Variants in GABPB2 observed in about 807,000 individuals in gnomAD.
GABPB2 encodes the protein GA-binding protein subunit beta-2.
In GABPB2, 23 loss-of-function variants were observed where a neutral mutation model predicts 39.1. The observed-to-expected ratio is 0.59, with a 90% CI of 0.42 to 0.83. The LOEUF (loss-of-function observed/expected upper bound fraction) is 0.83, where lower values mean the gene tolerates loss of function less well. GABPB2 is among the 40% of genes least tolerant of loss of function. The pLI is 0.00. For missense variants in GABPB2, 467 were observed against 541.1 expected (o/e 0.86, Z 1.36); for synonymous variants, 184 against 199.3 (o/e 0.92, Z 0.65).
At chr1:151,104,449 A>T (rs928256129) in intron 6 of GABPB2, among the ~76,000 whole-genome samples, 2 of 152,144 alleles carry the variant, frequency 1.3e-5, no homozygotes, top group African/African-American at 4.8e-5. Flanking sequence ...AATGGGTGTA[A>T]TCATAAAGAT....
At chr1:151,105,775 G>A (rs918971891) in intron 6 of GABPB2, among the ~76,000 whole-genome samples, 1 of 152,156 alleles carries the variant, frequency 6.6e-6, no homozygotes, top group Admixed American at 6.6e-5. Flanking sequence ...AAAGTGCTGG[G>A]ATTATGGGCG....
chr1:151,084,799 G>T (rs1678035610), intron 1 of GABPB2, among the ~76,000 whole-genome samples: 1 of 151,714 alleles, frequency 6.6e-6, no homozygotes, highest in Non-Finnish European at 1.5e-5. Flanking sequence ...CTCCCAAAGT[G>T]TTGGGATTAC....
chr1:151,101,491 G>T (rs587703343), intron 5 of GABPB2, among the ~76,000 whole-genome samples: 1 of 151,694 alleles, frequency 6.6e-6, no homozygotes, highest in Non-Finnish European at 1.5e-5. Context: ...GGAGAATGGC[G>T]TGAACCTGGG....
rs928970304 is a variant in GABPB2, at chr1:151,086,906, G to A, written c.1-1284G>A. 7.8e-4 allele frequency among the ~76,000 whole-genome samples: 119 copies of A among 152,252 alleles called. 1 individual carries two copies. Among genetic ancestry groups the A allele is most frequent in the African/African-American group, 2.8e-3 (115 of 41,554 alleles). On this transcript the variant is annotated intron_variant, in intron 1 of 8. Transcript: ENST00000368918. ...GTCTCGCTCTGTCGCCCAGACTGGA[G>A]TGCAGTGGTGCGATCTCAGCTCATT...
In GABPB2 at chr1:151,090,292, C is replaced by T. The variant is rs1177023378; in HGVS notation, c.109-114C>T. On this transcript the variant is annotated intron_variant, in intron 2 of 8. Transcript: ENST00000368918. ...AAGCATTTTTTCAGTTTTATCTGCCCAACCAGATTCTCTCTTGAAGGACAA... is the reference window on the plus strand; with the variant it reads ...AAGCATTTTTTCAGTTTTATCTGCCTAACCAGATTCTCTCTTGAAGGACAA... The T allele has an allele frequency of 1.6e-5, 16 of 1,029,052 alleles. No individual in the cohort carries two copies. The Admixed American group carries it at 3.1e-4, about 20-fold the overall frequency. 63.7% of individuals were successfully genotyped at this position (1,029,052 alleles called of 1,614,324 possible).
At chr1:151,113,515 CGTGTCT>C (rs1234793746) in intron 7 of GABPB2, among the ~76,000 whole-genome samples, 1 of 151,592 alleles carries the variant, frequency 6.6e-6, no homozygotes, top group African/African-American at 2.4e-5. Context: ...CATGAGCTAC[CGTGTCT>C]GGCCAAATCT....
intron 1 of GABPB2, among the ~76,000 whole-genome samples, chr1:151,087,914 T>C (rs1678339644): frequency 6.6e-6 from 1 of 152,178 alleles, no homozygotes; most frequent in Admixed American, 6.6e-5. Context: ...GTTTTATCGA[T>C]TCCTTAAACT....
intron 7 of GABPB2, among the ~76,000 whole-genome samples, chr1:151,108,224 C>T (rs1207314465): frequency 6.6e-6 from 1 of 152,184 alleles, no homozygotes; most frequent in Non-Finnish European, 1.5e-5. Context: ...GGCTGGAGCG[C>T]AGTGGCAGGA....
At chr1:151,086,023 T>C (rs2101471950) in intron 1 of GABPB2, among the ~76,000 whole-genome samples, 1 of 152,224 alleles carries the variant, frequency 6.6e-6, no homozygotes, top group Non-Finnish European at 1.5e-5. Flanking sequence ...GATGGGTCGA[T>C]TGCTTGAGCC....
At chr1:151,076,786 T>C (rs985186594) in intron 1 of GABPB2, among the ~76,000 whole-genome samples, 2 of 150,800 alleles carry the variant, frequency 1.3e-5, no homozygotes, top group African/African-American at 4.9e-5. Context: ...TTTATTAAAC[T>C]TGGTCTGATT....
chr1:151,080,511 CTAAATAAA>C lies in GABPB2; in HGVS notation c.1-7646_1-7639del, dbSNP rs34274763. Among the ~76,000 whole-genome samples, 706 of 143,820 alleles carry C rather than the reference CTAAATAAA, an allele frequency of 4.9e-3. 4 individuals are homozygous for C. Among genetic ancestry groups the C allele is most frequent in the Middle Eastern group, 0.014 (4 of 280 alleles). The allele number at this position is 143,820 out of a possible 152,430, so 94.4% of individuals were successfully genotyped here. A position where few individuals can be genotyped will look rare whatever the true frequency, so the allele number is the denominator to read the frequency against. ...GGGCAACAAGAGCAAAACTCCATCT[CTAAATAAA>C]TAAATAAATAAATAAATAAATAAAT... On this transcript the variant is annotated intron_variant, in intron 1 of 8. Coordinates refer to ENST00000368918, the MANE Select transcript of GABPB2 (RefSeq NM_144618.3).
chr1:151,083,787 AT>A (rs1677922582), intron 1 of GABPB2, among the ~76,000 whole-genome samples: 1 of 150,844 alleles, frequency 6.6e-6, no homozygotes, highest in Non-Finnish European at 1.5e-5. Flanking sequence ...TGTCACCCAG[AT>A]TGAAGTGCCT....
chr1:151,114,476 G>T (rs1041877753), intron 7 of GABPB2, among the ~76,000 whole-genome samples: 1 of 151,980 alleles, frequency 6.6e-6, no homozygotes, highest in African/African-American at 2.4e-5. Flanking sequence ...GAGGTGGACG[G>T]ATCACAAGGT....
intron 5 of GABPB2, among the ~76,000 whole-genome samples, chr1:151,103,341 C>T (rs912350956): frequency 4.6e-5 from 7 of 151,972 alleles, no homozygotes; most frequent in African/African-American, 7.2e-5. Context: ...GAATGGCGCC[C>T]GGCCCTCCAA....
chr1:151,101,042 C>T (rs370417829), intron 5 of GABPB2, among the ~76,000 whole-genome samples: 2 of 150,226 alleles, frequency 1.3e-5, no homozygotes, highest in African/African-American at 4.9e-5. Flanking sequence ...CTCATGAGTT[C>T]GAGAGCAGCC....
intron 1 of GABPB2, among the ~76,000 whole-genome samples, chr1:151,082,315 G>A (rs1249256837): frequency 6.8e-6 from 1 of 147,696 alleles, no homozygotes; most frequent in Non-Finnish European, 1.5e-5. Flanking sequence ...GACCTCAGAT[G>A]ATCCACCCGC....
At position 151,098,657 on chromosome 1, in the gene GABPB2, C is replaced by T. The variant is rs587764310; in HGVS notation, c.622+655C>T. ...AGTAACAAAGCAGAATAAACATAAG[C>T]GGCTTTTGGAGTACTGATATAAAAG... On this transcript the variant is annotated intron_variant, in intron 5 of 8. Transcript: ENST00000368918. Among the ~76,000 whole-genome samples, 69 of 152,030 alleles carry T rather than the reference C, an allele frequency of 4.5e-4. 1 individual carries two copies. The Middle Eastern group carries it at 0.014, about 30-fold the overall frequency.
At chr1:151,081,074 C>A (rs1194537987) in intron 1 of GABPB2, among the ~76,000 whole-genome samples, 9 of 150,598 alleles carry the variant, frequency 6.0e-5, no homozygotes, top group African/African-American at 2.2e-4. Context: ...GGGGTTTCAC[C>A]ATGTTAGCCA....
Position 151,103,679 on chromosome 1 carries a change from G to A in GABPB2, c.736+4G>A. Reference sequence around the variant, plus strand: ...TCCAACTCACACAGAGCCACAGGTAGGTAAGGGATATGCTGCTGGGTGAAT... The same window carrying A: ...TCCAACTCACACAGAGCCACAGGTAAGTAAGGGATATGCTGCTGGGTGAAT... On this transcript the variant is annotated splice_donor_region_variant and intron_variant, in intron 6 of 8. Transcript: ENST00000368918. The A allele has an allele frequency of 1.9e-6, 3 of 1,591,702 alleles. No individual in the cohort carries two copies. Among genetic ancestry groups the A allele is most frequent in the Non-Finnish European group, 2.6e-6 (3 of 1,159,720 alleles).
Sources: allele counts gnomAD v4.1 joint callset (sites outside exome capture counted in the v4.1 genomes callset), GRCh38; gene constraint gnomAD v4.1.1; transcripts MANE v1.5; gene names NCBI Gene and HGNC (gene_info 2026-07-23, HGNC 2026-07-21).